The following TAOK3 variants were observed in gnomAD, a reference collection of about 807,000 sequenced individuals.
TAOK3 encodes serine/threonine-protein kinase TAO3.
A neutral mutation model predicts 120.4 loss-of-function variants in TAOK3; 40 were observed. The ratio of observed to expected loss-of-function variants is 0.33; its 90% CI spans 0.26 to 0.43. The LOEUF is 0.43. Ranked by LOEUF, TAOK3 falls within the 20% of genes least tolerant of loss-of-function variation. TAOK3 has a pLI of 1.00. For synonymous variants in TAOK3, 355 were observed against 387.5 expected (o/e 0.92, Z 0.99); for missense variants, 821 against 1,112.1 (o/e 0.74, Z 3.72).
At chr12:118,275,323 T>C (rs368475661) in intron 1 of TAOK3, among the ~76,000 whole-genome samples, 13 of 152,060 alleles carry the variant, frequency 8.5e-5, no homozygotes, top group African/African-American at 2.9e-4. Context: ...TTTGTAGAGA[T>C]AGGGTCTTGC....
intron 1 of TAOK3, among the ~76,000 whole-genome samples, chr12:118,342,876 G>A (rs1444157461): frequency 6.8e-6 from 1 of 147,198 alleles, no homozygotes; most frequent in Non-Finnish European, 1.5e-5. Context: ...CAAGGTTACA[G>A]TGAGTGGCGA....
intron 11 of TAOK3, among the ~76,000 whole-genome samples, chr12:118,206,337 C>A (rs966625271): frequency 6.6e-6 from 1 of 152,232 alleles, no homozygotes; most frequent in Non-Finnish European, 1.5e-5. Flanking sequence ...GAGATAAACT[C>A]TTACCTGTTT....
chr12:118,221,167 TG>T (rs2039210700), intron 9 of TAOK3, among the ~76,000 whole-genome samples: 1 of 152,362 alleles, frequency 6.6e-6, no homozygotes, highest in East Asian at 1.9e-4. Context: ...GCTTATTATC[TG>T]GTCCCTCACA....
At chr12:118,166,494 C>A (rs543565502) in intron 17 of TAOK3, among the ~76,000 whole-genome samples, 1 of 150,506 alleles carries the variant, frequency 6.6e-6, no homozygotes, top group Non-Finnish European at 1.5e-5. Flanking sequence ...GCTGAGACTG[C>A]GCCATTGCAT....
intron 1 of TAOK3, among the ~76,000 whole-genome samples, chr12:118,304,826 G>T (rs1282083545): frequency 6.6e-6 from 1 of 152,116 alleles, no homozygotes; most frequent in Non-Finnish European, 1.5e-5. Flanking sequence ...TAAAATTACA[G>T]TTATTCCCTC....
chr12:118,292,571 C>A (rs1431814530), intron 1 of TAOK3, among the ~76,000 whole-genome samples: 2 of 152,162 alleles, frequency 1.3e-5, no homozygotes, highest in Admixed American at 6.5e-5. Flanking sequence ...AGATAAAAAT[C>A]TGAGGCCCAA....
chr12:118,239,304 T>C (rs1428792000), intron 5 of TAOK3, 32 bp from the exon 6 acceptor site: 3 of 1,322,886 alleles, frequency 2.3e-6, no homozygotes, highest in Non-Finnish European at 2.1e-6. Context: ...TTCAGAATAA[T>C]GAAAGTTAAT....
intron 1 of TAOK3, among the ~76,000 whole-genome samples, chr12:118,334,465 A>C (rs2141053220): frequency 6.6e-6 from 1 of 152,334 alleles, no homozygotes; most frequent in African/African-American, 2.4e-5. Flanking sequence ...CTAGGGAGAA[A>C]TGGGGAGTTG....
chr12:118,244,527 C>CTTTTTTTTTTTTTTTTT (rs377072006), intron 4 of TAOK3, among the ~76,000 whole-genome samples: 2 of 129,558 alleles, frequency 1.5e-5, no homozygotes, highest in Non-Finnish European at 1.6e-5. Flanking sequence ...TTTCTTTTTT[C>CTTTTTTTTTTTTTTTTT]TTTTTCTTTT....
chr12:118,357,052 C>T (rs543907506), intron 1 of TAOK3, among the ~76,000 whole-genome samples: 13 of 152,330 alleles, frequency 8.5e-5, no homozygotes, highest in Admixed American at 2.0e-4. Context: ...ACCAGTGAAA[C>T]TAACCTTTAA....
chr12:118,263,381 A>G (rs900308384), intron 2 of TAOK3, among the ~76,000 whole-genome samples: 5 of 152,228 alleles, frequency 3.3e-5, no homozygotes, highest in African/African-American at 1.2e-4. Flanking sequence ...CTACAATAAT[A>G]AAACTTCTAG....
chr12:118,272,456 C>T (rs888405473), intron 1 of TAOK3, among the ~76,000 whole-genome samples: 1 of 151,834 alleles, frequency 6.6e-6, no homozygotes, highest in African/African-American at 2.4e-5. Context: ...TAATGTTCTT[C>T]TCAACAATGT....
rs2034340401 is a variant in TAOK3 at position 118,150,870 on chromosome 12, G to GT, written c.*126dup. ...CAGGCACTAGTCCGACACGATGTCA[G>GT]TAAGAGTAAGAGAGAGAGAGAGTGA... On this transcript the variant is annotated 3_prime_UTR_variant, in exon 21 of 21. Coordinates refer to ENST00000392533, the MANE Select transcript of TAOK3 (RefSeq NM_016281.4). 9.8e-7 allele frequency: 1 copy of GT among 1,016,186 alleles called. No individual in the cohort carries two copies. Among genetic ancestry groups the GT allele is most frequent in the Admixed American group, 2.8e-5 (1 of 36,140 alleles). 62.9% of individuals were successfully genotyped at this position (1,016,186 alleles called of 1,614,324 possible). A position where few individuals can be genotyped will look rare whatever the true frequency, so the allele number is the denominator to read the frequency against.
At chr12:118,261,889 T>C (rs888949195) in intron 2 of TAOK3, among the ~76,000 whole-genome samples, 2 of 152,070 alleles carry the variant, frequency 1.3e-5, no homozygotes, top group Non-Finnish European at 2.9e-5. Flanking sequence ...AGTCTTACTC[T>C]GCCCTCTGTC....
intron 4 of TAOK3, among the ~76,000 whole-genome samples, chr12:118,244,527 C>CTTTTTTTTTT (rs377072006): frequency 1.2e-4 from 15 of 129,574 alleles, no homozygotes; most frequent in East Asian, 2.2e-4. Flanking sequence ...TTTCTTTTTT[C>CTTTTTTTTTT]TTTTTCTTTT....
intron 9 of TAOK3, among the ~76,000 whole-genome samples, chr12:118,226,043 T>C (rs11068875): frequency 0.03 from 4,636 of 152,264 alleles, 200 homozygotes; most frequent in African/African-American, 0.095. Flanking sequence ...AGTTTGAGAC[T>C]AGCCTGGCCA....
chr12:118,337,789 G>C (rs1191603405), intron 1 of TAOK3, among the ~76,000 whole-genome samples: 1 of 152,222 alleles, frequency 6.6e-6, no homozygotes, highest in African/African-American at 2.4e-5. Flanking sequence ...GAGGGAAGTA[G>C]CTGTGATAAT....
chr12:118,255,669 A>G lies in TAOK3; in HGVS notation c.-88-14T>C. 1 of 1,242,646 alleles carries G rather than the reference A, an allele frequency of 8.0e-7. No homozygotes were observed. Among genetic ancestry groups the G allele is most frequent in the Non-Finnish European group, 1.1e-6 (1 of 901,034 alleles). 77.0% of individuals were successfully genotyped at this position (1,242,646 alleles called of 1,614,324 possible). A position where few individuals can be genotyped will look rare whatever the true frequency, so the allele number is the denominator to read the frequency against. On this transcript the variant is annotated splice_polypyrimidine_tract_variant and intron_variant, in intron 2 of 20. Coordinates refer to ENST00000392533, the MANE Select transcript of TAOK3 (RefSeq NM_016281.4). ...AATCTTCAGTACCTGTAGAAAAATA[A>G]GGTTTGCCATTAAATTATTTCTAAC...
At position 118,177,273 on chromosome 12, in the gene TAOK3, C is replaced by G; in HGVS notation, c.1623G>C (p.Gln541His). ...CTAAGAAAGTTGTCAAATCTTTCTT[C>G]TGCTGGGCCAAGATCTGTTGCTGGA... ...KKFQQQILAQ[Q>H]KKDLTTFLES... The change falls in exon 16 of 21, where the codon CAG becomes CAC. Residue 541 changes from glutamine to histidine, a missense_variant. Physicochemically the swap from Gln to His is conservative, Grantham distance 24. Transcript: ENST00000392533. 1.2e-6 allele frequency: 2 copies of G among 1,613,596 alleles called. No homozygotes were observed. The highest frequency in any genetic ancestry group is 1.7e-6 in the Non-Finnish European group (2 of 1,179,744).
Sources: allele counts gnomAD v4.1 joint callset (sites outside exome capture counted in the v4.1 genomes callset), GRCh38; gene constraint gnomAD v4.1.1; transcripts MANE v1.5; gene names NCBI Gene and HGNC (gene_info 2026-07-23, HGNC 2026-07-21).